PTPRZ1: variants seen among roughly 807,000 people sequenced by gnomAD.
The protein encoded by PTPRZ1 is protein tyrosine phosphatase receptor type Z1.
In PTPRZ1, 82 loss-of-function variants were observed where a neutral mutation model predicts 214.1. The observed-to-expected ratio is 0.38, with a 90% CI of 0.32 to 0.46. PTPRZ1 has a LOEUF of 0.46. Among genes scored for constraint, PTPRZ1 ranks in the 20% least tolerant of loss-of-function variants. The pLI is 1.00. For synonymous variants in PTPRZ1, 945 were observed against 987.9 expected, an observed-to-expected ratio of 0.96 and a Z score of 0.81; for missense variants, 2,603 against 2,748.7, an observed-to-expected ratio of 0.95 and a Z score of 1.19.
chr7:121,967,526 A>G (rs1386272938), intron 2 of PTPRZ1, among the ~76,000 whole-genome samples: 3 of 152,206 alleles, frequency 2.0e-5, no homozygotes, highest in African/African-American at 7.2e-5. Context: ...ACTACCTTAC[A>G]GGACAATTAA....
At chr7:121,927,662 G>A (rs574161996) in intron 1 of PTPRZ1, among the ~76,000 whole-genome samples, 3 of 152,262 alleles carry the variant, frequency 2.0e-5, no homozygotes, top group Middle Eastern at 3.4e-3. Context: ...CTTTCTGACC[G>A]CAGCTAATTT....
chr7:121,981,393 C>G (rs1797608358), intron 6 of PTPRZ1, among the ~76,000 whole-genome samples: 1 of 152,170 alleles, frequency 6.6e-6, no homozygotes, highest in African/African-American at 2.4e-5. Flanking sequence ...CTACACTCCG[C>G]CACCTCACTT....
chr7:121,928,076 G>A, intron 1 of PTPRZ1, 80 bp from the exon 2 acceptor site: 1 of 972,970 alleles, frequency 1.0e-6, no homozygotes, highest in African/African-American at 1.6e-5. Context: ...AACTATTTAT[G>A]GTATGAATAA....
intron 26 of PTPRZ1, 79 bp from the exon 27 acceptor site, chr7:122,054,862 C>T: frequency 7.3e-7 from 1 of 1,360,878 alleles, no homozygotes; most frequent in Non-Finnish European, 9.8e-7. Flanking sequence ...CTGTGCCAAC[C>T]AATTAACTTT....
intron 1 of PTPRZ1, among the ~76,000 whole-genome samples, chr7:121,900,038 G>A (rs1018634060): frequency 1.3e-5 from 2 of 152,176 alleles, no homozygotes; most frequent in African/African-American, 4.8e-5. Context: ...CTGAGCAGAT[G>A]TGAGAGGGTC....
chr7:121,967,625 A>C (rs1033045723), intron 2 of PTPRZ1, among the ~76,000 whole-genome samples: 14 of 152,210 alleles, frequency 9.2e-5, no homozygotes, highest in Admixed American at 5.9e-4. Context: ...TGGCCATTAG[A>C]TCAAGCTTGC....
chr7:121,968,894 T>C (rs1006050615), intron 3 of PTPRZ1, among the ~76,000 whole-genome samples: 7 of 152,174 alleles, frequency 4.6e-5, no homozygotes, highest in African/African-American at 1.7e-4. Flanking sequence ...TTATATTTTC[T>C]ATATTTAGGT....
rs116064333 is a variant in PTPRZ1 at position 121,999,230 on chromosome 7, T to C, written c.1240+1224T>C. On this transcript the variant is annotated intron_variant, in intron 10 of 29. Transcript: ENST00000393386. ...ATTTCTTATGACCTGCCTCATGGCC[T>C]GGGTATAATCATCTTTCTTATTGCC... Among the ~76,000 whole-genome samples the C allele has an allele frequency of 3.1e-3, 476 of 152,358 alleles. 4 individuals carry two copies. Among genetic ancestry groups the C allele is most frequent in the African/African-American group, 0.011 (459 of 41,588 alleles).
At chr7:122,006,474 A>C (rs889988803) in intron 11 of PTPRZ1, among the ~76,000 whole-genome samples, 1 of 152,088 alleles carries the variant, frequency 6.6e-6, no homozygotes, top group African/African-American at 2.4e-5. Flanking sequence ...TAGCTTCCAC[A>C]TAAGAGTGAG....
intron 23 of PTPRZ1, among the ~76,000 whole-genome samples, chr7:122,050,655 T>C (rs766165478): frequency 2.6e-5 from 4 of 152,004 alleles, no homozygotes; most frequent in Non-Finnish European, 4.4e-5. Context: ...ACACTATAGA[T>C]TTACATTCAA....
intron 2 of PTPRZ1, among the ~76,000 whole-genome samples, chr7:121,960,942 A>AT (rs151193663): frequency 0.05 from 7,296 of 145,924 alleles, 225 homozygotes; most frequent in East Asian, 0.09. Context: ...TCACTGAAGC[A>AT]TTTTTTTTTT....
chr7:122,055,793 A>C (rs575874099), intron 27 of PTPRZ1, among the ~76,000 whole-genome samples: 1 of 151,954 alleles, frequency 6.6e-6, no homozygotes, highest in Non-Finnish European at 1.5e-5. Flanking sequence ...TGAGATTCAG[A>C]GTACCTTCTC....
intron 28 of PTPRZ1, 123 bp downstream of exon 28, chr7:122,059,065 T>G: frequency 1.0e-6 from 1 of 991,524 alleles, no homozygotes; most frequent in Non-Finnish European, 1.4e-6. Context: ...TGGTGGATTA[T>G]CTGCATCTTA....
intron 3 of PTPRZ1, among the ~76,000 whole-genome samples, chr7:121,970,740 T>C (rs553357389): frequency 1.3e-5 from 2 of 152,206 alleles, no homozygotes; most frequent in East Asian, 1.9e-4. Context: ...AATTTTCTCC[T>C]ATTCTGTAGG....
intron 5 of PTPRZ1, among the ~76,000 whole-genome samples, chr7:121,976,539 A>T (rs1366306389): frequency 1.3e-5 from 2 of 152,152 alleles, no homozygotes; most frequent in African/African-American, 2.4e-5. Context: ...CATATTAATA[A>T]TTATGTATTA....
chr7:122,037,011 G>A (rs1047766902), intron 18 of PTPRZ1, among the ~76,000 whole-genome samples: 6 of 149,972 alleles, frequency 4.0e-5, no homozygotes, highest in South Asian at 2.1e-4. Context: ...GGTGGCTCAC[G>A]CCTGTAATCC....
At chr7:121,979,210 C>T (rs1351367420) in intron 6 of PTPRZ1, among the ~76,000 whole-genome samples, 2 of 152,100 alleles carry the variant, frequency 1.3e-5, no homozygotes, top group Non-Finnish European at 2.9e-5. Context: ...CTCTTTCTTT[C>T]TTTCCCTCCC....
chr7:122,026,256 G>T (rs966304264), intron 13 of PTPRZ1, among the ~76,000 whole-genome samples: 2 of 152,190 alleles, frequency 1.3e-5, no homozygotes, highest in Admixed American at 6.5e-5. Flanking sequence ...AGATGCTGTT[G>T]AAGGGATTCT....
chr7:122,054,041 A>C lies in PTPRZ1; in HGVS notation c.6381+3A>C, dbSNP rs1167821452. ...TGATTCCTGATGGCCAAAACATGGT[A>C]AGTCCCTTAGACCACTTTTGGGACT... On this transcript the variant is annotated splice_donor_region_variant and intron_variant, in intron 26 of 29. Coordinates refer to ENST00000393386, the MANE Select transcript of PTPRZ1 (RefSeq NM_002851.3). 6.2e-7 allele frequency: 1 copy of C among 1,612,724 alleles called. No homozygotes were observed. Among genetic ancestry groups the C allele is most frequent in the South Asian group, 1.1e-5 (1 of 91,024 alleles).
Sources: gnomAD v4.1 joint callset for allele counts (sites outside exome capture counted in the v4.1 genomes callset) on GRCh38, gnomAD v4.1.1 for gene constraint, MANE v1.5 for transcripts, NCBI Gene and HGNC (gene_info 2026-07-23, HGNC 2026-07-21) for gene names.